The following FGF14 variants were observed in gnomAD, a reference collection of about 807,000 sequenced individuals.
FGF14 encodes fibroblast growth factor homologous factor 4.
In FGF14, 5 loss-of-function variants were observed where a neutral mutation model predicts 25.5. The observed-to-expected ratio is 0.20, with a 90% CI of 0.10 to 0.41. The LOEUF (loss-of-function observed/expected upper bound fraction) is 0.41. FGF14 is among the 10% of genes least tolerant of loss of function. The pLI, the probability that FGF14 is intolerant of heterozygous loss-of-function variation, is 1.00. For synonymous variants in FGF14, 138 were observed against 118.3 expected (o/e 1.17, Z -1.08); for missense variants, 222 against 320.1 (o/e 0.69, Z 2.34).
intron 3 of FGF14, among the ~76,000 whole-genome samples, chr13:101,847,060 T>A (rs1040096161): frequency 1.3e-5 from 2 of 152,052 alleles, no homozygotes; most frequent in African/African-American, 4.8e-5. Flanking sequence ...CGACCTATGA[T>A]GTTCCTTTCC....
intron 3 of FGF14, among the ~76,000 whole-genome samples, chr13:101,820,747 C>T (rs1338538485): frequency 6.6e-6 from 1 of 151,176 alleles, no homozygotes; most frequent in Non-Finnish European, 1.5e-5. Context: ...AAGCTTATAG[C>T]TACAGCTACA....
chr13:101,892,506 T>G lies in FGF14; in HGVS notation c.194-17210A>C, dbSNP rs185789052. On this transcript the variant is annotated intron_variant, in intron 1 of 4. Coordinates refer to ENST00000376143, the MANE Select transcript of FGF14 (RefSeq NM_004115.4). Reference sequence around the variant, plus strand: ...TACATGGGCCATTGAACATGTGAAGTAAAAGGAATTAAGCTTGTTATGACT... The same window carrying G: ...TACATGGGCCATTGAACATGTGAAGGAAAAGGAATTAAGCTTGTTATGACT... Among the ~76,000 whole-genome samples, 24 of 152,190 alleles carry G rather than the reference T, an allele frequency of 1.6e-4. No individual in the cohort carries two copies. In the East Asian group the frequency reaches 4.4e-3, roughly 28 times the overall value.
At chr13:101,778,428 T>C (rs1420451995) in intron 3 of FGF14, among the ~76,000 whole-genome samples, 1 of 152,156 alleles carries the variant, frequency 6.6e-6, no homozygotes, top group Non-Finnish European at 1.5e-5. Flanking sequence ...TAAACCTCCA[T>C]CGCCTTGCCT....
chr13:102,296,809 C>T (rs78536291), intron 1 of FGF14, among the ~76,000 whole-genome samples: 3,011 of 152,228 alleles, frequency 0.02, 109 homozygotes, highest in African/African-American at 0.068. Flanking sequence ...AAATTAAGTG[C>T]ACTCCTTTCA....
rs1031418909 is a variant in FGF14, at chr13:101,714,644, A to C, written c.*8187T>G. On this transcript the variant is annotated 3_prime_UTR_variant, in exon 5 of 5. Transcript: ENST00000376143. Reference sequence around the variant, plus strand: ...TGCAATGCTTTAGGTGGCTGGACCAACAGGGCCAACCGTGAATATGAAATA... The same window carrying C: ...TGCAATGCTTTAGGTGGCTGGACCACCAGGGCCAACCGTGAATATGAAATA... 17 of 787,894 alleles carry C rather than the reference A, an allele frequency of 2.2e-5. No homozygotes were observed. In the Admixed American group the frequency reaches 3.1e-4, roughly 14 times the overall value. The allele number at this position is 787,894 out of a possible 1,614,324, so 48.8% of individuals were successfully genotyped here. A position where few individuals can be genotyped will look rare whatever the true frequency, so the allele number is the denominator to read the frequency against.
intron 1 of FGF14, among the ~76,000 whole-genome samples, chr13:102,000,151 T>TA (rs1282447115): frequency 6.6e-6 from 1 of 151,642 alleles, no homozygotes; most frequent in Non-Finnish European, 1.5e-5. Context: ...CCGTCTCTAC[T>TA]AAAAAATACA....
intron 1 of FGF14, among the ~76,000 whole-genome samples, chr13:102,207,776 A>C (rs1299549949): frequency 6.6e-6 from 1 of 152,168 alleles, no homozygotes; most frequent in South Asian, 2.1e-4. Flanking sequence ...ACCTAGCCCA[A>C]ACATTGCATT....
intron 1 of FGF14, among the ~76,000 whole-genome samples, chr13:101,884,163 G>A (rs1222639668): frequency 1.3e-5 from 2 of 149,980 alleles, no homozygotes; most frequent in Non-Finnish European, 3.0e-5. Flanking sequence ...TGGCGTGAAT[G>A]TGAAAGCCTC....
intron 1 of FGF14, among the ~76,000 whole-genome samples, chr13:102,159,263 A>T (rs557737382): frequency 8.5e-5 from 13 of 152,324 alleles, no homozygotes; most frequent in African/African-American, 3.1e-4. Context: ...GATATGAACA[A>T]ATGATTATAA....
rs371847324 is a variant in FGF14 at position 102,222,920 on chromosome 13, C to T, written c.208+178551G>A. ...GCCTCCATTAACGCAGCCCAAGACC[C>T]TACTTAGGAGAAAATGGAGGAAATA... On this transcript the variant is annotated intron_variant, in intron 1 of 4. Transcript: ENST00000376131. Among the ~76,000 whole-genome samples, 9 of 152,276 alleles carry T rather than the reference C, an allele frequency of 5.9e-5. No homozygotes were observed. In the East Asian group the frequency reaches 1.5e-3, roughly 26 times the overall value.
At chr13:102,370,745 G>A (rs558595114) in intron 1 of FGF14, among the ~76,000 whole-genome samples, 1 of 152,178 alleles carries the variant, frequency 6.6e-6, no homozygotes, top group Admixed American at 6.5e-5. Context: ...TAATAATGAA[G>A]TACAGACACA....
At chr13:102,168,430 C>T (rs1337024674) in intron 1 of FGF14, among the ~76,000 whole-genome samples, 1 of 152,074 alleles carries the variant, frequency 6.6e-6, no homozygotes, top group Non-Finnish European at 1.5e-5. Flanking sequence ...CTGCCCACCT[C>T]GGCCTCCCAG....
chr13:102,184,332 G>A (rs2048795912), intron 1 of FGF14, among the ~76,000 whole-genome samples: 1 of 152,178 alleles, frequency 6.6e-6, no homozygotes, highest in Non-Finnish European at 1.5e-5. Flanking sequence ...GTAAAAAGAA[G>A]GAGGAGGAGA....
intron 3 of FGF14, among the ~76,000 whole-genome samples, chr13:101,806,943 T>C (rs892485129): frequency 1.3e-5 from 2 of 152,146 alleles, no homozygotes; most frequent in African/African-American, 4.8e-5. Context: ...AGTGACTTTT[T>C]TTCATTTCTC....
intron 1 of FGF14, among the ~76,000 whole-genome samples, chr13:102,242,510 G>C (rs1316719381): frequency 6.6e-6 from 1 of 152,098 alleles, no homozygotes; most frequent in African/African-American, 2.4e-5. Context: ...GAGAGCAAGA[G>C]AGATAGAGAG....
At chr13:102,281,957 G>A (rs1167603557) in intron 1 of FGF14, among the ~76,000 whole-genome samples, 1 of 151,990 alleles carries the variant, frequency 6.6e-6, no homozygotes, top group South Asian at 2.1e-4. Flanking sequence ...AAAATCATAT[G>A]TCCGTACTGC....
At chr13:101,757,544 C>T (rs761305431) in intron 3 of FGF14, among the ~76,000 whole-genome samples, 1 of 152,166 alleles carries the variant, frequency 6.6e-6, no homozygotes, top group Non-Finnish European at 1.5e-5. Flanking sequence ...CTCAGCCTCT[C>T]CTTCACCTTG....
At chr13:102,285,007 A>G (rs1242462664) in intron 1 of FGF14, among the ~76,000 whole-genome samples, 1 of 152,104 alleles carries the variant, frequency 6.6e-6, no homozygotes, top group African/African-American at 2.4e-5. Flanking sequence ...AAAGAAGGAA[A>G]AGAAGAGTCA....
chr13:101,762,536 C>T (rs1258807795), intron 3 of FGF14, among the ~76,000 whole-genome samples: 1 of 152,160 alleles, frequency 6.6e-6, no homozygotes, highest in Non-Finnish European at 1.5e-5. Flanking sequence ...TTAGGTAATA[C>T]ATATAAATAT....
Sources: gnomAD v4.1 joint callset for allele counts (sites outside exome capture counted in the v4.1 genomes callset) on GRCh38, gnomAD v4.1.1 for gene constraint, MANE v1.5 for transcripts, NCBI Gene and HGNC (gene_info 2026-07-23, HGNC 2026-07-21) for gene names.